TMEM178A: variants seen among roughly 807,000 people sequenced by gnomAD.
TMEM178A encodes transmembrane protein 178A.
A neutral mutation model predicts 29.1 loss-of-function variants in TMEM178A; 12 were observed. The ratio of observed to expected loss-of-function variants is 0.41; its 90% CI spans 0.26 to 0.67. The LOEUF is 0.67. Ranked by LOEUF, TMEM178A falls within the 30% of genes least tolerant of loss-of-function variation. The pLI, the probability that TMEM178A is intolerant of heterozygous loss-of-function variation, is 0.29. For missense variants in TMEM178A, 366 were observed against 419.1 expected, an observed-to-expected ratio of 0.87 and a Z score of 1.11; for synonymous variants, 210 against 187.2, an observed-to-expected ratio of 1.12 and a Z score of -0.99.
At chr2:39,713,945 G>A (rs2716706) in intron 3 of TMEM178A, among the ~76,000 whole-genome samples, 21,314 of 152,094 alleles carry the variant, frequency 0.14, 3,693 homozygotes, top group African/African-American at 0.41. Context: ...TTCTTTTACA[G>A]AAGCTTGTTG....
At chr2:39,722,617 A>G (rs571522860), downstream of TMEM178A, among the ~76,000 whole-genome samples, 2 of 152,174 alleles carry the variant, frequency 1.3e-5, no homozygotes, top group Non-Finnish European at 2.9e-5. Flanking sequence ...GGAAAGATGT[A>G]GTGTTTGTGA....
chr2:39,675,316 G>A (rs1403918423), intron 1 of TMEM178A, among the ~76,000 whole-genome samples: 1 of 152,134 alleles, frequency 6.6e-6, no homozygotes, highest in Admixed American at 6.5e-5. Context: ...AAAATTGGCA[G>A]CTGTATAAAT....
rs773977856 is a variant in TMEM178A, at chr2:39,717,074, C to T, written c.717C>T (p.Leu239=). 1 of 1,610,872 alleles carries T rather than the reference C, an allele frequency of 6.2e-7. No individual in the cohort carries two copies. Among genetic ancestry groups the T allele is most frequent in the Admixed American group, 1.7e-5 (1 of 59,464 alleles). Residue 239 remains leucine (L), a synonymous_variant, in exon 4 of 4, where the codon CTC becomes CTT. Coordinates refer to ENST00000281961, the MANE Select transcript of TMEM178A (RefSeq NM_152390.3). ...GTATCTCGTATGATTTGAACCGGCT[C>T]CCAAAGCTAATTTATAGCCTGCCTG... ...AASISYDLNR[L]PKLIYSLPAD...
At chr2:39,728,357 G>A in the TMEM178A span, among the ~76,000 whole-genome samples, 1 of 152,320 alleles carries the variant, frequency 6.6e-6, no homozygotes, top group African/African-American at 2.4e-5. Context: ...ACAGCTGTCT[G>A]CTTCTTGAAT....
the TMEM178A span, among the ~76,000 whole-genome samples, chr2:39,734,348 T>C: frequency 1.3e-5 from 2 of 152,212 alleles, no homozygotes; most frequent in Admixed American, 1.3e-4. Flanking sequence ...CCACACTAGG[T>C]TTTCTTTCTA....
At chr2:39,722,310 G>C (rs1672720618), downstream of TMEM178A, among the ~76,000 whole-genome samples, 1 of 152,092 alleles carries the variant, frequency 6.6e-6, no homozygotes, top group South Asian at 2.1e-4. Flanking sequence ...TCAAAAAGGA[G>C]ATACAATAAT....
At chr2:39,702,253 T>C (rs1280549798) in intron 1 of TMEM178A, among the ~76,000 whole-genome samples, 3 of 152,182 alleles carry the variant, frequency 2.0e-5, no homozygotes, top group Non-Finnish European at 4.4e-5. Flanking sequence ...ATGAAGTCTA[T>C]ATTCTTTGTC....
chr2:39,717,442 T>TAAATAGTCA lies in TMEM178A; in HGVS notation c.*191_*192insAAATAGTCA. ...ACAAGACTACTGTGGATTCAAGTGC[T>TAAATAGTCA]TTAATGACTATTTATGCGTTGACTG... On this transcript the variant is annotated 3_prime_UTR_variant, in exon 4 of 4. Transcript: ENST00000281961. 1.4e-6 allele frequency: 1 copy of TAAATAGTCA among 712,626 alleles called. No homozygotes were observed. The highest frequency in any genetic ancestry group is 2.2e-6 in the Non-Finnish European group (1 of 462,234). 44.1% of individuals were successfully genotyped at this position (712,626 alleles called of 1,614,324 possible).
chr2:39,710,327 C>A (rs540575017), intron 3 of TMEM178A, among the ~76,000 whole-genome samples: 1 of 152,126 alleles, frequency 6.6e-6, no homozygotes, highest in Non-Finnish European at 1.5e-5. Flanking sequence ...GCCCAAACAA[C>A]GTTATTGAAA....
chr2:39,693,584 G>C (rs1284835171), intron 1 of TMEM178A, among the ~76,000 whole-genome samples: 3 of 152,144 alleles, frequency 2.0e-5, no homozygotes, highest in Non-Finnish European at 4.4e-5. Flanking sequence ...AAAGAATAGT[G>C]TCTCTACATT....
In TMEM178A at chr2:39,688,880, T is replaced by C. The variant is rs114852935; in HGVS notation, c.401-15201T>C. On this transcript the variant is annotated intron_variant, in intron 1 of 3. Coordinates refer to ENST00000281961, the MANE Select transcript of TMEM178A (RefSeq NM_152390.3). ...AGCTCCTAGTTTCCATTTATCTTGC[T>C]ATGTATCTATAACATATCCCATCAT... is the stretch of plus-strand genomic sequence containing the variant. Among the ~76,000 whole-genome samples the C allele has an allele frequency of 3.5e-3, 531 of 152,356 alleles. 4 individuals carry two copies. Among genetic ancestry groups the C allele is most frequent in the African/African-American group, 0.012 (514 of 41,588 alleles).
chr2:39,732,964 CTTTG>C, the TMEM178A span, among the ~76,000 whole-genome samples: 11 of 152,288 alleles, frequency 7.2e-5, no homozygotes, highest in Admixed American at 1.3e-4. Context: ...ATGGTATTGC[CTTTG>C]TTTATTTCGG....
intron 1 of TMEM178A, among the ~76,000 whole-genome samples, chr2:39,701,280 A>AT (rs1222458718): frequency 1.3e-5 from 2 of 151,784 alleles, no homozygotes; most frequent in African/African-American, 2.4e-5. Context: ...GGAATATTTT[A>AT]TTTTTTTCCT....
intron 3 of TMEM178A, among the ~76,000 whole-genome samples, chr2:39,707,710 C>T (rs1273707269): frequency 6.6e-6 from 1 of 152,204 alleles, no homozygotes; most frequent in African/African-American, 2.4e-5. Flanking sequence ...AGGTGATCTG[C>T]CTGCCTCAGC....
At chr2:39,701,299 A>C (rs1457798923) in intron 1 of TMEM178A, among the ~76,000 whole-genome samples, 1 of 152,072 alleles carries the variant, frequency 6.6e-6, no homozygotes, top group Non-Finnish European at 1.5e-5. Context: ...CTAATTTCTG[A>C]AGGATAACTT....
At chr2:39,690,244 C>A (rs1671256923) in intron 1 of TMEM178A, among the ~76,000 whole-genome samples, 1 of 152,228 alleles carries the variant, frequency 6.6e-6, no homozygotes, top group South Asian at 2.1e-4. Flanking sequence ...TGGGATGCCT[C>A]ACCTGCAGTC....
chr2:39,682,748 C>T (rs1394592870), intron 1 of TMEM178A, among the ~76,000 whole-genome samples: 1 of 152,162 alleles, frequency 6.6e-6, no homozygotes, highest in African/African-American at 2.4e-5. Context: ...AATTTTGTGG[C>T]TCTCCTTCCT....
intron 1 of TMEM178A, among the ~76,000 whole-genome samples, chr2:39,682,467 T>A (rs1264812940): frequency 6.6e-6 from 1 of 152,126 alleles, no homozygotes; most frequent in Non-Finnish European, 1.5e-5. Context: ...GCTTCTGTTG[T>A]CTGCCTCTGG....
intron 1 of TMEM178A, among the ~76,000 whole-genome samples, chr2:39,700,819 G>C (rs1300450692): frequency 2.0e-5 from 3 of 147,250 alleles, no homozygotes; most frequent in Non-Finnish European, 4.5e-5. Context: ...TGTTGTTATT[G>C]TTTCATTTAC....
Sources: allele counts gnomAD v4.1 joint callset (sites outside exome capture counted in the v4.1 genomes callset), GRCh38; gene constraint gnomAD v4.1.1; transcripts MANE v1.5; gene names NCBI Gene and HGNC (gene_info 2026-07-23, HGNC 2026-07-21).